CHRDL1: variants seen among roughly 807,000 people sequenced by gnomAD.
CHRDL1 encodes the protein chordin-like protein 1.
In CHRDL1, 19 loss-of-function variants were observed where a neutral mutation model predicts 40.9. The ratio of observed to expected loss-of-function variants is 0.46; its 90% CI spans 0.32 to 0.68. The LOEUF is 0.68. CHRDL1 is among the 30% of genes least tolerant of loss of function. CHRDL1 has a pLI of 0.03. For synonymous variants in CHRDL1, 136 were observed against 123.4 expected (o/e 1.10, Z -0.68); for missense variants, 329 against 352.1 (o/e 0.93, Z 0.53).
At chrX:110,701,853 A>G (rs925601669) in intron 6 of CHRDL1, among the ~76,000 whole-genome samples, 2 of 111,511 alleles carry the variant, frequency 1.8e-5, no homozygotes, top group African/African-American at 6.5e-5. Context: ...CAGTTCAAGC[A>G]TGTAGTAGTA....
chrX:110,789,029 A>G (rs754282735), intron 2 of CHRDL1, among the ~76,000 whole-genome samples: 2 of 111,770 alleles, frequency 1.8e-5, no homozygotes, highest in South Asian at 3.7e-4. Context: ...TAAAATTTTA[A>G]AACTTCTATA....
intron 2 of CHRDL1, among the ~76,000 whole-genome samples, chrX:110,764,127 A>G (rs2089616895): frequency 8.9e-6 from 1 of 111,767 alleles, no homozygotes; most frequent in Non-Finnish European, 1.9e-5. Flanking sequence ...TTCATTGTAA[A>G]TTCTGGATAT....
At position 110,688,610 on chromosome X, in the gene CHRDL1, T is replaced by C. The variant is rs1006655376; in HGVS notation, c.972A>G (p.Pro324=). Residue 324 remains proline (P), a synonymous_variant, in exon 9 of 12, where the codon CCA becomes CCG. Transcript: ENST00000372042. ...CCAACGCACCTTTTGCTTTTTTACC[T>C]GGACACACCTTGCAGCATTTTCCGT... ...KIDGKCCKVC[P]GKKAKEELPG... is the part of the protein sequence containing the mutation. The C allele has an allele frequency of 8.3e-6, 10 of 1,207,998 alleles. No individual in the cohort carries two copies. Among genetic ancestry groups the C allele is most frequent in the South Asian group, 3.5e-5 (2 of 56,691 alleles).
chrX:110,712,730 C>T (rs984012861), intron 6 of CHRDL1, among the ~76,000 whole-genome samples: 1 of 108,470 alleles, frequency 9.2e-6, no homozygotes, highest in East Asian at 2.9e-4. Context: ...TGGTTGGGCA[C>T]GGTGGTGCAC....
intron 9 of CHRDL1, among the ~76,000 whole-genome samples, chrX:110,682,565 C>A (rs1354485141): frequency 8.9e-6 from 1 of 112,383 alleles, no homozygotes; most frequent in African/African-American, 3.2e-5. Flanking sequence ...CAAATCAGAA[C>A]AACAGAAGCC....
In CHRDL1 at chrX:110,792,143, G is replaced by T. The variant is rs745853465; in HGVS notation, c.39C>A (p.Ile13=). 6 of 1,202,323 alleles carry T rather than the reference G, an allele frequency of 5.0e-6. No homozygotes were observed. In the East Asian group the frequency reaches 1.2e-4, roughly 24 times the overall value. ...GCAAAAGAAAGAACAACAACGAAAA[G>T]ATGTATTTCATGCCTCCCATTTTCC... The part of the protein sequence containing the change: ...KKWKMGGMKY[I]FSLLFFLLLE... The change falls in exon 2 of 12, where the codon ATC becomes ATA. Residue 13 remains isoleucine, a synonymous_variant. Transcript: ENST00000372042.
At chrX:110,678,766 C>A (rs1045620929) in intron 11 of CHRDL1, among the ~76,000 whole-genome samples, 2 of 110,730 alleles carry the variant, frequency 1.8e-5, no homozygotes, top group East Asian at 2.8e-4. Flanking sequence ...TGCTCAACAC[C>A]CGCCCCAATG....
Position 110,771,257 on chromosome X carries a change from C to T in CHRDL1, c.95-8450G>A, listed in dbSNP as rs748362367. Among the ~76,000 whole-genome samples the T allele has an allele frequency of 7.2e-5, 8 of 111,530 alleles. 1 individual carries two copies. The highest frequency in any genetic ancestry group is 9.5e-5 in the Admixed American group (1 of 10,472). ...AAATTCCAGAATCAGATGGCTCCAC[C>T]GGTGAATTCTATCAAACATTCTACC... is the stretch of plus-strand genomic sequence containing the variant. On this transcript the variant is annotated intron_variant, in intron 2 of 11. Coordinates refer to ENST00000372042, the MANE Select transcript of CHRDL1 (RefSeq NM_001143981.2).
Position 110,726,988 on chromosome X carries a change from A to G in CHRDL1, c.302-5458T>C, listed in dbSNP as rs770293801. Among the ~76,000 whole-genome samples the G allele has an allele frequency of 3.6e-5, 4 of 112,420 alleles. No homozygotes were observed. The Admixed American group carries it at 3.8e-4, about 11-fold the overall frequency. ...GGCATTATGTTACCTTAAAGCTACA[A>G]AGATAAATAGGACATTCCCCTGACT... On this transcript the variant is annotated intron_variant, in intron 4 of 11. Coordinates refer to ENST00000372042, the MANE Select transcript of CHRDL1 (RefSeq NM_001143981.2).
chrX:110,758,295 A>T (rs927537907), intron 4 of CHRDL1, among the ~76,000 whole-genome samples: 1 of 97,358 alleles, frequency 1.0e-5, no homozygotes, highest in Non-Finnish European at 2.0e-5. Flanking sequence ...TGGCTTAGGG[A>T]CTTATTCCAA....
intron 2 of CHRDL1, among the ~76,000 whole-genome samples, chrX:110,780,548 T>A (rs2089924130): frequency 8.9e-6 from 1 of 111,743 alleles, no homozygotes; most frequent in East Asian, 2.8e-4. Context: ...AAATAAATTA[T>A]GACAAAGATC....
intron 2 of CHRDL1, among the ~76,000 whole-genome samples, chrX:110,770,161 T>G (rs1243171426): frequency 1.8e-5 from 2 of 112,364 alleles, no homozygotes; most frequent in African/African-American, 6.5e-5. Flanking sequence ...TTTCAACATC[T>G]GTGAAATATT....
At chrX:110,777,739 A>G (rs2089875015) in intron 2 of CHRDL1, among the ~76,000 whole-genome samples, 1 of 111,766 alleles carries the variant, frequency 8.9e-6, no homozygotes, top group African/African-American at 3.2e-5. Flanking sequence ...AGTTCTTTGT[A>G]TATTTTGGAT....
intron 2 of CHRDL1, among the ~76,000 whole-genome samples, chrX:110,787,284 G>A (rs529966935): frequency 1.8e-5 from 2 of 111,146 alleles, no homozygotes; most frequent in African/African-American, 6.5e-5. Context: ...ATAAGAAAAC[G>A]AAAGCTGGAG....
intron 8 of CHRDL1, among the ~76,000 whole-genome samples, chrX:110,691,394 G>A (rs1489207248): frequency 1.8e-5 from 2 of 110,506 alleles, no homozygotes; most frequent in African/African-American, 6.6e-5. Flanking sequence ...GGGGAAGTCC[G>A]AGGATGAGTT....
At chrX:110,784,754 G>C (rs903672566) in intron 2 of CHRDL1, among the ~76,000 whole-genome samples, 4 of 111,530 alleles carry the variant, frequency 3.6e-5, no homozygotes, top group African/African-American at 1.3e-4. Context: ...AAAGAAAAGG[G>C]TCCATAATTC....
Position 110,693,835 on chromosome X carries a change from G to A in CHRDL1, c.778+328C>T, listed in dbSNP as rs974917871. 8.1e-5 allele frequency among the ~76,000 whole-genome samples: 9 copies of A among 111,333 alleles called. No homozygotes were observed. In the South Asian group the frequency reaches 1.9e-3, roughly 24 times the overall value. On this transcript the variant is annotated intron_variant, in intron 8 of 11. Transcript: ENST00000372042. ...TTGGCACTGAGTACCTTTGAATGTT[G>A]GGTCCCCTACTAAAACACAGACAAT...
intron 4 of CHRDL1, among the ~76,000 whole-genome samples, chrX:110,749,267 A>G (rs1310226727): frequency 9.0e-6 from 1 of 111,641 alleles, no homozygotes; most frequent in Non-Finnish European, 1.9e-5. Flanking sequence ...GAAAAGAAAA[A>G]GAGCTTGTGG....
At position 110,760,645 on chromosome X, in the gene CHRDL1, G is replaced by A. The variant is rs776879068; in HGVS notation, c.208-891C>T. Among the ~76,000 whole-genome samples the A allele has an allele frequency of 7.2e-5, 8 of 111,716 alleles. No homozygotes were observed. The South Asian group carries it at 1.1e-3, about 16-fold the overall frequency. On this transcript the variant is annotated intron_variant, in intron 3 of 11. Coordinates refer to ENST00000372042, the MANE Select transcript of CHRDL1 (RefSeq NM_001143981.2). ...TCTCCAACGTGTCGAAATGTGTCGC[G>A]TCAAGAATCCGACAAAATCAGGCCA...
Sources: gnomAD v4.1 joint callset for allele counts (sites outside exome capture counted in the v4.1 genomes callset) on GRCh38, gnomAD v4.1.1 for gene constraint, MANE v1.5 for transcripts, NCBI Gene and HGNC (gene_info 2026-07-23, HGNC 2026-07-21) for gene names.